The following NAALADL2 variants were observed in gnomAD, a reference collection of about 807,000 sequenced individuals.
The protein encoded by NAALADL2 is inactive N-acetylated-alpha-linked acidic dipeptidase-like protein 2.
A neutral mutation model predicts 87.2 loss-of-function variants in NAALADL2; 76 were observed. The observed-to-expected ratio is 0.87, with a 90% CI of 0.72 to 1.05. The LOEUF is 1.05. NAALADL2 is among the 50% of genes least tolerant of loss of function. The pLI is 0.00. For synonymous variants in NAALADL2, 354 were observed against 331.0 expected (o/e 1.07, Z -0.75); for missense variants, 1,089 against 945.8 (o/e 1.15, Z -1.99).
rs1191790567 is a variant in NAALADL2, at chr3:174,583,399, A to G, written c.-115+32762A>G. Among the ~76,000 whole-genome samples the G allele has an allele frequency of 3.3e-5, 5 of 152,194 alleles. No individual in the cohort carries two copies. The South Asian group carries it at 8.3e-4, about 25-fold the overall frequency. On this transcript the variant is annotated intron_variant, in intron 2 of 3. Coordinates refer to the NAALADL2 transcript ENST00000434257. ...TACAGACTTGGAAGAAGGAAGCAAG[A>G]TATTTTAGTTAACCCAAAAAGTAAC...
chr3:174,758,262 C>CT (rs1712406543), intron 3 of NAALADL2, among the ~76,000 whole-genome samples: 1 of 152,234 alleles, frequency 6.6e-6, no homozygotes, highest in East Asian at 1.9e-4. Context: ...ATGTATTTTA[C>CT]TTTTTCAAGA....
intron 11 of NAALADL2, among the ~76,000 whole-genome samples, chr3:175,658,260 T>A (rs1731774543): frequency 6.6e-6 from 1 of 152,186 alleles, no homozygotes; most frequent in Non-Finnish European, 1.5e-5. Context: ...CAATGGTTGC[T>A]ATGGGTTATG....
chr3:175,062,863 G>A (rs1418087997), intron 1 of NAALADL2, among the ~76,000 whole-genome samples: 1 of 152,040 alleles, frequency 6.6e-6, no homozygotes, highest in East Asian at 1.9e-4. Flanking sequence ...AGTGCTCATA[G>A]GCTGCAAGGG....
chr3:174,993,868 C>A (rs1001973362), intron 1 of NAALADL2, among the ~76,000 whole-genome samples: 6 of 152,158 alleles, frequency 3.9e-5, no homozygotes, highest in Admixed American at 3.9e-4. Flanking sequence ...CCATGCCTTT[C>A]TCTTAACTTG....
intron 9 of NAALADL2, among the ~76,000 whole-genome samples, chr3:175,488,860 C>T (rs1416279359): frequency 6.6e-6 from 1 of 152,190 alleles, no homozygotes; most frequent in East Asian, 1.9e-4. Context: ...TGTAGAATAA[C>T]ACTATCACTG....
At chr3:175,706,184 C>A (rs1379019379) in intron 11 of NAALADL2, among the ~76,000 whole-genome samples, 1 of 151,992 alleles carries the variant, frequency 6.6e-6, no homozygotes, top group Non-Finnish European at 1.5e-5. Flanking sequence ...GCTTTATTTG[C>A]CCATTCGAAT....
chr3:174,857,022 C>T (rs1031845773), upstream of NAALADL2, among the ~76,000 whole-genome samples: 1 of 152,102 alleles, frequency 6.6e-6, no homozygotes, highest in Non-Finnish European at 1.5e-5. Flanking sequence ...AGGGGGCCTA[C>T]TGTACCTATA....
At chr3:174,690,928 A>G (rs753698127) in intron 2 of NAALADL2, among the ~76,000 whole-genome samples, 1 of 152,140 alleles carries the variant, frequency 6.6e-6, no homozygotes, top group Non-Finnish European at 1.5e-5. Flanking sequence ...AAATTATTTC[A>G]TGTTTCTCAT....
intron 2 of NAALADL2, among the ~76,000 whole-genome samples, chr3:174,635,590 C>A (rs1356122105): frequency 6.6e-6 from 1 of 151,400 alleles, no homozygotes; most frequent in Non-Finnish European, 1.5e-5. Flanking sequence ...GCAACTTCTG[C>A]CTCCCGGGTT....
chr3:175,304,497 A>G (rs539451839), intron 4 of NAALADL2, among the ~76,000 whole-genome samples: 1 of 152,054 alleles, frequency 6.6e-6, no homozygotes, highest in Non-Finnish European at 1.5e-5. Context: ...ACATGCCTGT[A>G]CTCATTTCTA....
chr3:175,638,991 A>G (rs185734245), intron 11 of NAALADL2, among the ~76,000 whole-genome samples: 2 of 152,252 alleles, frequency 1.3e-5, no homozygotes, highest in East Asian at 3.9e-4. Context: ...GTCCATCTTG[A>G]TATGTCCCAA....
At chr3:175,065,167 A>G (rs891265241) in intron 1 of NAALADL2, among the ~76,000 whole-genome samples, 8 of 152,122 alleles carry the variant, frequency 5.3e-5, no homozygotes, top group Non-Finnish European at 1.0e-4. Context: ...GCGAGACATT[A>G]CTATTGAGAC....
intron 1 of NAALADL2, among the ~76,000 whole-genome samples, chr3:175,005,719 A>G (rs1435815109): frequency 3.3e-5 from 5 of 152,220 alleles, no homozygotes. Context: ...ATCTGAGACA[A>G]ATATAACAAT....
At chr3:174,786,729 A>G (rs1578925033) in intron 3 of NAALADL2, among the ~76,000 whole-genome samples, 1 of 152,124 alleles carries the variant, frequency 6.6e-6, no homozygotes, top group Non-Finnish European at 1.5e-5. Context: ...TAAATGTCAT[A>G]GGTCTTTGGT....
rs1344414901 is a variant in NAALADL2, at chr3:175,809,066, A to G, written c.*5863A>G. 6.6e-6 allele frequency: 1 copy of G among 151,910 alleles called. No homozygotes were observed. The highest frequency in any genetic ancestry group is 1.5e-5 in the Non-Finnish European group (1 of 67,942). The allele number at this position is 151,910 out of a possible 1,614,324, so 9.4% of individuals were successfully genotyped here. A position where few individuals can be genotyped will look rare whatever the true frequency, so the allele number is the denominator to read the frequency against. ...GTGCTAGTGTTTTATTAATATTAAA[A>G]ATTTTTGTTTACTTATATATCAAGC... is the stretch of plus-strand genomic sequence containing the variant. On this transcript the variant is annotated 3_prime_UTR_variant, in exon 14 of 14. Coordinates refer to ENST00000454872, the MANE Select transcript of NAALADL2 (RefSeq NM_207015.3).
At chr3:175,196,360 T>C (rs1580876315) in intron 2 of NAALADL2, among the ~76,000 whole-genome samples, 2 of 151,900 alleles carry the variant, frequency 1.3e-5, no homozygotes, top group African/African-American at 4.8e-5. Flanking sequence ...GTTTTCCATA[T>C]GGGGCACTTT....
At chr3:174,979,713 C>G (rs1246599158) in intron 1 of NAALADL2, among the ~76,000 whole-genome samples, 2 of 151,816 alleles carry the variant, frequency 1.3e-5, no homozygotes, top group African/African-American at 4.8e-5. Flanking sequence ...ACCTAAAAAA[C>G]AGAAAAATAT....
chr3:175,593,133 A>C (rs1053522405), intron 10 of NAALADL2, among the ~76,000 whole-genome samples: 3 of 152,040 alleles, frequency 2.0e-5, no homozygotes, highest in Admixed American at 6.6e-5. Context: ...CTCCGTATGC[A>C]TTAGCTCTTT....
chr3:175,534,979 C>T (rs1734611381), intron 9 of NAALADL2, among the ~76,000 whole-genome samples: 2 of 151,886 alleles, frequency 1.3e-5, no homozygotes, highest in African/African-American at 4.8e-5. Context: ...TCCTCAGGGT[C>T]AAAATCTCTA....
Sources: allele counts gnomAD v4.1 joint callset (sites outside exome capture counted in the v4.1 genomes callset), GRCh38; gene constraint gnomAD v4.1.1; transcripts MANE v1.5; gene names NCBI Gene and HGNC (gene_info 2026-07-23, HGNC 2026-07-21).